MRPL37: variants seen among roughly 807,000 people sequenced by gnomAD.
The protein encoded by MRPL37 is large ribosomal subunit protein mL37.
Under a neutral mutation model 44.1 loss-of-function variants are expected in MRPL37, and 34 were observed. The observed-to-expected ratio is 0.77, with a 90% CI of 0.59 to 1.03. The LOEUF is 1.03. Among genes scored for constraint, MRPL37 ranks in the 50% least tolerant of loss-of-function variants. The pLI, the probability that MRPL37 is intolerant of heterozygous loss-of-function variation, is 0.00. For synonymous variants in MRPL37, 212 were observed against 219.5 expected (o/e 0.97, Z 0.30); for missense variants, 532 against 543.7 (o/e 0.98, Z 0.21).
At chr1:54,223,686 G>A (rs915319628), downstream of MRPL37, among the ~76,000 whole-genome samples, 1 of 152,176 alleles carries the variant, frequency 6.6e-6, no homozygotes, top group South Asian at 2.1e-4. Flanking sequence ...TCAAGTGCCT[G>A]TGGACAGCGA....
Position 54,212,610 on chromosome 1 carries a change from C to G in MRPL37, c.942C>G (p.Ile314Met). The change falls in exon 5 of 7, where the codon ATC becomes ATG. Residue 314 changes from isoleucine (I) to methionine (M), a missense_variant. Coordinates refer to ENST00000360840, the MANE Select transcript of MRPL37 (RefSeq NM_016491.4). ...LQPDQLRAKMILFAFGSALAQ... is the reference protein window; with the variant it reads ...LQPDQLRAKMMLFAFGSALAQ... The stretch of plus-strand genomic sequence containing the variant: ...CAGATCAGCTGCGGGCCAAGATGAT[C>G]CTGTTTGCTTTTGGCAGTGCCCTGG... 6.2e-7 allele frequency: 1 copy of G among 1,614,226 alleles called. No homozygotes were observed. The highest frequency in any genetic ancestry group is 8.5e-7 in the Non-Finnish European group (1 of 1,180,042).
At chr1:54,206,286 G>A (rs987355151) in intron 3 of MRPL37, among the ~76,000 whole-genome samples, 2 of 150,032 alleles carry the variant, frequency 1.3e-5, no homozygotes, top group Non-Finnish European at 3.0e-5. Flanking sequence ...CTAATTTTTT[G>A]TATTTTTAGT....
chr1:54,202,631 G>A (rs2100499765), intron 1 of MRPL37, among the ~76,000 whole-genome samples: 1 of 152,182 alleles, frequency 6.6e-6, no homozygotes, highest in East Asian at 1.9e-4. Flanking sequence ...CTCCTAAGTA[G>A]CTGGGATTAC....
chr1:54,215,236 AATAGC>A (rs1203128810), intron 5 of MRPL37, among the ~76,000 whole-genome samples: 7 of 152,206 alleles, frequency 4.6e-5, no homozygotes, highest in Non-Finnish European at 1.0e-4. Flanking sequence ...TCAGTGACTT[AATAGC>A]ATGGAGTCTG....
At chr1:54,222,808 A>T (rs970738418), downstream of MRPL37, among the ~76,000 whole-genome samples, 3 of 152,028 alleles carry the variant, frequency 2.0e-5, no homozygotes, top group Non-Finnish European at 4.4e-5. Context: ...CAGCATCTCA[A>T]ATTTAACTCG....
chr1:54,223,872 CT>C (rs1326131098), downstream of MRPL37, among the ~76,000 whole-genome samples: 2 of 152,208 alleles, frequency 1.3e-5, no homozygotes, highest in Non-Finnish European at 2.9e-5. Flanking sequence ...GATGAAAATG[CT>C]TAGTGAACAA....
chr1:54,225,102 G>A (rs1218914851), downstream of MRPL37: 3 of 1,234,192 alleles, frequency 2.4e-6, no homozygotes, highest in Middle Eastern at 2.1e-4. Flanking sequence ...AGGGCACCAG[G>A]AGGAACCTTT....
In MRPL37 at chr1:54,212,576, G is replaced by A. The variant is rs1425650834; in HGVS notation, c.908G>A (p.Arg303His). The change falls in exon 5 of 7, where the codon CGC (arginine) becomes CAC (histidine). Residue 303 changes from arginine to histidine, a missense_variant. Transcript: ENST00000360840. ...GACAAAGCCAATTTACGACCACACCGCCTTCAACCAGATCAGCTGCGGGCC... is the reference window on the plus strand; with the variant it reads ...GACAAAGCCAATTTACGACCACACCACCTTCAACCAGATCAGCTGCGGGCC... ...LLDKANLRPH[R>H]LQPDQLRAKM... The A allele has an allele frequency of 6.2e-6, 10 of 1,614,138 alleles. No individual in the cohort carries two copies. The highest frequency in any genetic ancestry group is 1.3e-5 in the African/African-American group (1 of 75,012).
chr1:54,200,260 G>T lies in MRPL37; in HGVS notation c.17G>T (p.Gly6Val). The part of the protein sequence containing the change: MALAS[G>V]PARRALAGSG... The stretch of plus-strand genomic sequence containing the variant: ...CAGATCGGTATGGCATTGGCGTCCG[G>T]GCCCGCAAGGCGGGCGCTAGCTGGC... Residue 6 changes from glycine to valine, a missense_variant, in exon 1 of 7, where the codon GGG (glycine) becomes GTG (valine). By Grantham distance (109) the Gly-to-Val change is moderately radical (BLOSUM62 -3). Transcript: ENST00000360840. The T allele has an allele frequency of 6.3e-7, 1 of 1,592,838 alleles. No individual in the cohort carries two copies.
rs767444048 is a variant in MRPL37 at position 54,205,060 on chromosome 1, A to G, written c.389A>G (p.Glu130Gly). 30 of 1,614,184 alleles carry G rather than the reference A, an allele frequency of 1.9e-5. No individual in the cohort carries two copies. Among genetic ancestry groups the G allele is most frequent in the Middle Eastern group, 3.3e-4 (2 of 6,062 alleles). Reference protein sequence around the residue: ...ALWLTKTKLIEGLPEKVLSLV... With the variant: ...ALWLTKTKLIGGLPEKVLSLV... Reference sequence around the variant, plus strand: ...TGGCTCACCAAGACCAAGTTAATAGAAGGCCTTCCCGAGAAAGTGCTTAGC... The same window carrying G: ...TGGCTCACCAAGACCAAGTTAATAGGAGGCCTTCCCGAGAAAGTGCTTAGC... Residue 130 changes from glutamate to glycine, a missense_variant, in exon 2 of 7, where the codon GAA becomes GGA. Glu to Gly is a moderately conservative substitution (Grantham distance 98). Transcript: ENST00000360840.
intron 3 of MRPL37, among the ~76,000 whole-genome samples, chr1:54,208,063 G>T (rs2100506343): frequency 6.6e-6 from 1 of 152,276 alleles, no homozygotes; most frequent in South Asian, 2.1e-4. Context: ...TCTGTGAAGG[G>T]CATCTATGCA....
rs1222328936 is a variant in MRPL37, at chr1:54,205,163, G to T, written c.492G>T (p.Trp164Cys). 6.2e-7 allele frequency: 1 copy of T among 1,613,984 alleles called. No homozygotes were observed. Among genetic ancestry groups the T allele is most frequent in the African/African-American group, 1.3e-5 (1 of 74,900 alleles). Residue 164 changes from tryptophan to cysteine, a missense_variant, in exon 2 of 7, where the codon TGG becomes TGT. Transcript: ENST00000360840. ...ATGTGATCTCTCACGCCCGTCTCTG[G>T]CAGACCACTGAGGAAATCCCCAAGA... is the stretch of plus-strand genomic sequence containing the variant. ...VLNVISHARL[W>C]QTTEEIPKRE...
At chr1:54,221,342 G>A (rs550919314), downstream of MRPL37, among the ~76,000 whole-genome samples, 4 of 152,266 alleles carry the variant, frequency 2.6e-5, no homozygotes, top group East Asian at 7.7e-4. Flanking sequence ...TTTGCTGTGG[G>A]TGAAAGTCTC....
chr1:54,210,162 G>T (rs773825837), intron 4 of MRPL37, 31 bp downstream of exon 4: 1 of 1,596,098 alleles, frequency 6.3e-7, no homozygotes, highest in Admixed American at 1.7e-5. Flanking sequence ...CTTTTAGGCA[G>T]TGTGGAGGAG....
At chr1:54,224,227 C>T (rs1644257926), downstream of MRPL37, among the ~76,000 whole-genome samples, 1 of 152,178 alleles carries the variant, frequency 6.6e-6, no homozygotes, top group Admixed American at 6.5e-5. Context: ...AATGGAGATG[C>T]TTTTCCAATA....
At chr1:54,217,106 G>A (rs1285778815) in intron 6 of MRPL37, among the ~76,000 whole-genome samples, 1 of 152,200 alleles carries the variant, frequency 6.6e-6, no homozygotes, top group Non-Finnish European at 1.5e-5. Flanking sequence ...AGCAGGGTCA[G>A]GACTGCGAAA....
chr1:54,205,255 T>C (rs777692241), intron 2 of MRPL37, 40 bp from the exon 3 acceptor site: 1 of 1,607,668 alleles, frequency 6.2e-7, no homozygotes, highest in East Asian at 2.2e-5. Flanking sequence ...CGAGTCGACC[T>C]GTTGCTTTAA....
chr1:54,216,016 A>G (rs1035401969), intron 5 of MRPL37, 125 bp from the exon 6 acceptor site: 2 of 994,438 alleles, frequency 2.0e-6, no homozygotes, highest in Non-Finnish European at 3.1e-6. Flanking sequence ...AATTGTCCCA[A>G]AGAGAAGCCA....
At chr1:54,213,223 C>T (rs1306183699) in intron 5 of MRPL37, among the ~76,000 whole-genome samples, 1 of 152,226 alleles carries the variant, frequency 6.6e-6, no homozygotes, top group African/African-American at 2.4e-5. Context: ...TAACTTGTCA[C>T]AGAGAGCTGT....
Sources: allele counts gnomAD v4.1 joint callset (sites outside exome capture counted in the v4.1 genomes callset), GRCh38; gene constraint gnomAD v4.1.1; transcripts MANE v1.5; gene names NCBI Gene and HGNC (gene_info 2026-07-23, HGNC 2026-07-21).